PCDHA3: variants seen among roughly 807,000 people sequenced by gnomAD.
PCDHA3 encodes protocadherin alpha 3, also known as protocadherin alpha-3.
Under a neutral mutation model 62.2 loss-of-function variants are expected in PCDHA3, and 41 were observed. The ratio of observed to expected loss-of-function variants is 0.66; its 90% CI spans 0.51 to 0.86. The LOEUF (loss-of-function observed/expected upper bound fraction) is 0.86, where lower values mean the gene tolerates loss of function less well. Among genes scored for constraint, PCDHA3 ranks in the 40% least tolerant of loss-of-function variants. PCDHA3 has a pLI of 0.00. For synonymous variants in PCDHA3, 640 were observed against 555.4 expected (o/e 1.15, Z -2.14); for missense variants, 1,304 against 1,241.2 (o/e 1.05, Z -0.76).
At chr5:140,834,558 C>G (rs2150220968) in intron 1 of PCDHA3, 1 of 1,614,104 alleles carries the variant, frequency 6.2e-7, no homozygotes, top group East Asian at 2.2e-5. Context: ...GCTGGCGGAG[C>G]TGGTGCCGCG....
At chr5:140,948,098 AT>A (rs1400798416) in intron 1 of PCDHA3, among the ~76,000 whole-genome samples, 2 of 151,502 alleles carry the variant, frequency 1.3e-5, no homozygotes, top group African/African-American at 4.8e-5. Flanking sequence ...TGAGCATATG[AT>A]TTTTCTTCGT....
At chr5:140,990,893 T>C (rs1554251806) in intron 3 of PCDHA3, among the ~76,000 whole-genome samples, 1 of 152,178 alleles carries the variant, frequency 6.6e-6, no homozygotes, top group East Asian at 1.9e-4. Context: ...GAGTGGGTCG[T>C]TGCTGGGTCA....
intron 3 of PCDHA3, among the ~76,000 whole-genome samples, chr5:141,004,079 A>G (rs1192943756): frequency 1.3e-5 from 2 of 152,210 alleles, no homozygotes; most frequent in Non-Finnish European, 2.9e-5. Context: ...TTAGGGGTAG[A>G]AATGTGCTTC....
At chr5:140,808,159 T>C in intron 1 of PCDHA3, 1 of 1,614,214 alleles carries the variant, frequency 6.2e-7, no homozygotes, top group East Asian at 2.2e-5. Flanking sequence ...AGGGCATTGA[T>C]AAGGGACAGC....
chr5:141,010,265 G>A lies in PCDHA3; in HGVS notation c.*328G>A, dbSNP rs1554262846. ...GTTGGACTCTCTGCCCTGTGCTCCGGGGATCCTGTCTTGATGACACTTGCA... is the reference window on the plus strand; with the variant it reads ...GTTGGACTCTCTGCCCTGTGCTCCGAGGATCCTGTCTTGATGACACTTGCA... On this transcript the variant is annotated 3_prime_UTR_variant, in exon 4 of 4. Coordinates refer to ENST00000522353, the MANE Select transcript of PCDHA3 (RefSeq NM_018906.3). 6.4e-7 allele frequency: 1 copy of A among 1,551,726 alleles called. No homozygotes were observed. The highest frequency in any genetic ancestry group is 8.7e-7 in the Non-Finnish European group (1 of 1,147,006).
chr5:141,002,598 C>T (rs2098087385), intron 3 of PCDHA3, among the ~76,000 whole-genome samples: 1 of 152,212 alleles, frequency 6.6e-6, no homozygotes, highest in Admixed American at 6.5e-5. Flanking sequence ...GTCCCCTCAT[C>T]TATAAAACAG....
rs1428126460 is a variant in PCDHA3 at position 140,848,665 on chromosome 5, C to T, written c.2394+45074C>T. On this transcript the variant is annotated intron_variant, in intron 1 of 3. Coordinates refer to ENST00000522353, the MANE Select transcript of PCDHA3 (RefSeq NM_018906.3). ...GCGCAGGACCTGGGGCTGGAGCTGG[C>T]GGAGCTGGTGCCGCGCCTGTTCCAG... 1.9e-6 allele frequency: 3 copies of T among 1,592,226 alleles called. 1 individual carries two copies. The highest frequency in any genetic ancestry group is 2.6e-6 in the Non-Finnish European group (3 of 1,163,404).
At chr5:140,834,986 C>G (rs2150229667) in intron 1 of PCDHA3, 1 of 1,457,962 alleles carries the variant, frequency 6.9e-7, no homozygotes, top group Admixed American at 2.1e-5. Flanking sequence ...AACTTTTAGA[C>G]AGAGAAGAAA....
At chr5:140,886,623 C>T (rs1273600111) in intron 1 of PCDHA3, among the ~76,000 whole-genome samples, 39 of 151,848 alleles carry the variant, frequency 2.6e-4, no homozygotes, top group Admixed American at 2.4e-3. Flanking sequence ...ATCAGGAGTC[C>T]GAGACCAGCC....
At chr5:140,875,951 C>A (rs1292449525) in intron 1 of PCDHA3, 2 of 1,614,116 alleles carry the variant, frequency 1.2e-6, no homozygotes, top group East Asian at 2.2e-5. Flanking sequence ...GCTTCTGATG[C>A]GGATATCGGC....
At chr5:140,940,611 C>T (rs782735444) in intron 1 of PCDHA3, among the ~76,000 whole-genome samples, 1 of 152,144 alleles carries the variant, frequency 6.6e-6, no homozygotes. Flanking sequence ...CTGCTCCTGG[C>T]TCCTGCAAAT....
At chr5:140,946,801 G>C (rs2094030166) in intron 1 of PCDHA3, among the ~76,000 whole-genome samples, 1 of 151,430 alleles carries the variant, frequency 6.6e-6, no homozygotes, top group African/African-American at 2.4e-5. Flanking sequence ...TAGAAGCAGA[G>C]AGTATAACAG....
chr5:140,817,462 T>C (rs1766142664), intron 1 of PCDHA3: 1 of 152,254 alleles, frequency 6.6e-6, no homozygotes, highest in Non-Finnish European at 1.5e-5. Context: ...ATCTTGCTGA[T>C]GTCACTACCT....
intron 1 of PCDHA3, among the ~76,000 whole-genome samples, chr5:140,892,469 A>G (rs557049666): frequency 1.3e-5 from 2 of 152,302 alleles, no homozygotes; most frequent in South Asian, 4.1e-4. Context: ...ACGGTTATTC[A>G]GTTTCCTAGC....
chr5:140,888,754 C>CT lies in PCDHA3; in HGVS notation c.2394+85173dup, dbSNP rs782694187. Reference sequence around the variant, plus strand: ...TGAGCTCTAGGAATTATTCTACCCACTTTTTTTTTTAATTTTGAAGGGATA... The same window carrying CT: ...TGAGCTCTAGGAATTATTCTACCCACTTTTTTTTTTTAATTTTGAAGGGATA... On this transcript the variant is annotated intron_variant, in intron 1 of 3. Transcript: ENST00000522353. 7.0e-3 allele frequency among the ~76,000 whole-genome samples: 1,040 copies of CT among 148,666 alleles called. 3 individuals are homozygous for CT. The highest frequency in any genetic ancestry group is 0.038 in the Middle Eastern group (11 of 290).
At chr5:140,930,918 T>G (rs1554208161) in intron 1 of PCDHA3, among the ~76,000 whole-genome samples, 1 of 152,180 alleles carries the variant, frequency 6.6e-6, no homozygotes, top group East Asian at 1.9e-4. Context: ...ACTTTAGATG[T>G]GTATATGTGG....
chr5:140,850,783 G>T, intron 1 of PCDHA3: 1 of 1,598,172 alleles, frequency 6.3e-7, no homozygotes, highest in Non-Finnish European at 8.6e-7. Context: ...TCTGGCGAGG[G>T]TAAGCAGAAG....
intron 1 of PCDHA3, chr5:140,883,158 C>A: frequency 2.5e-6 from 4 of 1,613,710 alleles, no homozygotes; most frequent in Non-Finnish European, 3.4e-6. Flanking sequence ...ACCATAAATC[C>A]GAACAATGGA....
At chr5:140,990,988 C>A (rs1332573282) in intron 3 of PCDHA3, among the ~76,000 whole-genome samples, 5 of 152,184 alleles carry the variant, frequency 3.3e-5, no homozygotes, top group Admixed American at 6.5e-5. Flanking sequence ...AAGACAATAG[C>A]TACCATTTAT....
Sources: allele counts gnomAD v4.1 joint callset (sites outside exome capture counted in the v4.1 genomes callset), GRCh38; gene constraint gnomAD v4.1.1; transcripts MANE v1.5; gene names NCBI Gene and HGNC (gene_info 2026-07-23, HGNC 2026-07-21).